The following COX10 variants were observed in gnomAD, a reference collection of about 807,000 sequenced individuals.
COX10 encodes protoheme IX farnesyltransferase, mitochondrial.
In COX10, 27 loss-of-function variants were observed where a neutral mutation model predicts 37.3. That is an observed-to-expected ratio of 0.72 (90% CI 0.53 to 1.00). The LOEUF (loss-of-function observed/expected upper bound fraction) is 1.00. Among genes scored for constraint, COX10 ranks in the 50% least tolerant of loss-of-function variants. The probability of loss-of-function intolerance (pLI) is 0.00; values close to 1 mark genes in which losing one functional copy is unlikely to be tolerated. For synonymous variants in COX10, 222 were observed against 229.1 expected (o/e 0.97, Z 0.28); for missense variants, 475 against 563.2 (o/e 0.84, Z 1.59).
At chr17:14,118,695 C>T (rs148666179) in intron 4 of COX10, among the ~76,000 whole-genome samples, 1 of 152,042 alleles carries the variant, frequency 6.6e-6, no homozygotes, top group East Asian at 1.9e-4. Flanking sequence ...TTATAAAATG[C>T]TACTTTTTTC....
chr17:14,122,304 A>T (rs1916247029), intron 4 of COX10, among the ~76,000 whole-genome samples: 3 of 152,126 alleles, frequency 2.0e-5, no homozygotes, highest in African/African-American at 7.2e-5. Flanking sequence ...CCACTTTGTG[A>T]TCAGGGTCCT....
intron 2 of COX10, among the ~76,000 whole-genome samples, chr17:14,075,376 T>A (rs1229440490): frequency 6.6e-6 from 1 of 152,188 alleles, no homozygotes; most frequent in Non-Finnish European, 1.5e-5. Flanking sequence ...ATCTTTGTGA[T>A]GTGATGGAAA....
intron 4 of COX10, among the ~76,000 whole-genome samples, chr17:14,107,223 A>AT (rs149471100): frequency 0.52 from 77,681 of 149,630 alleles, 20,165 homozygotes; most frequent in South Asian, 0.58. Context: ...TTCTACTTTC[A>AT]TTTTTTTTTT....
chr17:14,188,829 T>G (rs912139004), intron 5 of COX10, among the ~76,000 whole-genome samples: 1 of 151,458 alleles, frequency 6.6e-6, no homozygotes, highest in African/African-American at 2.4e-5. Context: ...CTGCTAAAGC[T>G]TTGCTAATTT....
At chr17:14,135,958 T>G (rs1204994911) in intron 4 of COX10, among the ~76,000 whole-genome samples, 2 of 152,016 alleles carry the variant, frequency 1.3e-5, no homozygotes, top group African/African-American at 4.8e-5. Context: ...CTTCAGGCAT[T>G]TTTAATTTTC....
At chr17:14,194,354 C>T (rs1906300304) in intron 6 of COX10, among the ~76,000 whole-genome samples, 1 of 152,252 alleles carries the variant, frequency 6.6e-6, no homozygotes, top group African/African-American at 2.4e-5. Context: ...CTTAAGAGTG[C>T]ACATTCAGAC....
intron 5 of COX10, among the ~76,000 whole-genome samples, chr17:14,183,511 G>T (rs1355534886): frequency 6.6e-6 from 1 of 152,082 alleles, no homozygotes; most frequent in African/African-American, 2.4e-5. Flanking sequence ...TTAATAAAAG[G>T]CCATTACAGC....
intron 6 of COX10, among the ~76,000 whole-genome samples, chr17:14,192,561 C>T (rs190385682): frequency 4.7e-4 from 71 of 152,254 alleles, no homozygotes; most frequent in South Asian, 1.2e-3. Context: ...ATTCATGGGG[C>T]GGGGAGAAGG....
chr17:14,196,142 T>G (rs1441592461), intron 6 of COX10, among the ~76,000 whole-genome samples: 4 of 152,152 alleles, frequency 2.6e-5, no homozygotes, highest in African/African-American at 9.7e-5. Context: ...ATCACCACCT[T>G]TATAAACTGG....
At chr17:14,159,291 C>T (rs1905121666) in intron 4 of COX10, among the ~76,000 whole-genome samples, 1 of 152,176 alleles carries the variant, frequency 6.6e-6, no homozygotes, top group African/African-American at 2.4e-5. Flanking sequence ...GCCCATTCCC[C>T]AGGGTCAGTT....
At chr17:14,095,823 G>T (rs970645106) in intron 3 of COX10, among the ~76,000 whole-genome samples, 1 of 152,100 alleles carries the variant, frequency 6.6e-6, no homozygotes, top group Non-Finnish European at 1.5e-5. Context: ...TTAGCTCCTG[G>T]AAGCAGCCTG....
chr17:14,137,984 C>T (rs1212380758), intron 4 of COX10, among the ~76,000 whole-genome samples: 2 of 138,974 alleles, frequency 1.4e-5, no homozygotes, highest in African/African-American at 5.4e-5. Context: ...CATATTTCTA[C>T]AACCTAGCAA....
Position 14,205,594 on chromosome 17 carries a change from C to T in COX10, c.929-1216C>T, listed in dbSNP as rs117156568. Among the ~76,000 whole-genome samples the T allele has an allele frequency of 2.8e-4, 42 of 152,094 alleles. No homozygotes were observed. In the East Asian group the frequency reaches 6.6e-3, roughly 24 times the overall value. Reference sequence around the variant, plus strand: ...GTAGGCGCCCGGGGAGCATTTTTTGCGCGAGTACTCAGTCACCTGCACAGG... The same window carrying T: ...GTAGGCGCCCGGGGAGCATTTTTTGTGCGAGTACTCAGTCACCTGCACAGG... On this transcript the variant is annotated intron_variant, in intron 6 of 6. Transcript: ENST00000261643.
chr17:14,163,384 A>G (rs1224559715), intron 5 of COX10, among the ~76,000 whole-genome samples: 1 of 151,862 alleles, frequency 6.6e-6, no homozygotes, highest in Non-Finnish European at 1.5e-5. Context: ...CCTCCCAAGT[A>G]GTTGGGACTA....
At chr17:14,115,467 T>C (rs1916089691) in intron 4 of COX10, among the ~76,000 whole-genome samples, 1 of 152,106 alleles carries the variant, frequency 6.6e-6, no homozygotes, top group Admixed American at 6.6e-5. Flanking sequence ...GAAAATAATA[T>C]GGAGATCTCT....
chr17:14,159,434 T>C (rs940378684), intron 4 of COX10, among the ~76,000 whole-genome samples: 2 of 152,220 alleles, frequency 1.3e-5, no homozygotes, highest in African/African-American at 4.8e-5. Flanking sequence ...GGTCCACTTA[T>C]ACGTGGATTT....
intron 5 of COX10, among the ~76,000 whole-genome samples, chr17:14,164,289 C>T (rs1285541706): frequency 1.1e-4 from 17 of 152,174 alleles, no homozygotes. Flanking sequence ...TAGTGATATG[C>T]ATTTATACAG....
chr17:14,071,068 T>A (rs779993167), intron 1 of COX10, among the ~76,000 whole-genome samples: 2 of 152,236 alleles, frequency 1.3e-5, no homozygotes, highest in Non-Finnish European at 2.9e-5. Flanking sequence ...ATCACTTCTT[T>A]GTTACATTCT....
chr17:14,096,299 A>G (rs1430877720), intron 3 of COX10, among the ~76,000 whole-genome samples: 1 of 151,840 alleles, frequency 6.6e-6, no homozygotes, highest in Non-Finnish European at 1.5e-5. Flanking sequence ...GAGGGGACCA[A>G]CTTTCAGACC....
Sources: allele counts gnomAD v4.1 joint callset (sites outside exome capture counted in the v4.1 genomes callset), GRCh38; gene constraint gnomAD v4.1.1; transcripts MANE v1.5; gene names NCBI Gene and HGNC (gene_info 2026-07-23, HGNC 2026-07-21).